The following KIF16B variants were observed in gnomAD, a reference collection of about 807,000 sequenced individuals.
KIF16B encodes kinesin family member 16B, also known as kinesin-like protein KIF16B.
Under a neutral mutation model 156.3 loss-of-function variants are expected in KIF16B, and 98 were observed. That is an observed-to-expected ratio of 0.63 (90% CI 0.53 to 0.74). The LOEUF is 0.74. Among genes scored for constraint, KIF16B ranks in the 30% least tolerant of loss-of-function variants. The pLI, the probability that KIF16B is intolerant of heterozygous loss-of-function variation, is 0.00. For missense variants in KIF16B, 1,421 were observed against 1,606.5 expected (o/e 0.88, Z 1.97); for synonymous variants, 564 against 583.7 (o/e 0.97, Z 0.49).
At chr20:16,391,207 T>G (rs1416014877) in intron 17 of KIF16B, among the ~76,000 whole-genome samples, 1 of 151,990 alleles carries the variant, frequency 6.6e-6, no homozygotes, top group African/African-American at 2.4e-5. Flanking sequence ...AGGGAAGTGA[T>G]GAGAAATAAC....
At chr20:16,288,376 T>A (rs2063257777) in intron 25 of KIF16B, among the ~76,000 whole-genome samples, 1 of 152,096 alleles carries the variant, frequency 6.6e-6, no homozygotes, top group South Asian at 2.1e-4. Flanking sequence ...CCTTAGTAAG[T>A]ACAGATGTAT....
Position 16,422,581 on chromosome 20 carries a change from T to C in KIF16B, c.1612+4523A>G, listed in dbSNP as rs77561053. Among the ~76,000 whole-genome samples, 1,279 of 152,240 alleles carry C rather than the reference T, an allele frequency of 8.4e-3. 12 individuals carry two copies. The highest frequency in any genetic ancestry group is 0.027 in the Middle Eastern group (8 of 294). On this transcript the variant is annotated intron_variant, in intron 15 of 25. Coordinates refer to ENST00000354981, the MANE Select transcript of KIF16B (RefSeq NM_024704.5). ...AGCCAGGTGGATCCAGCAGCCAGTA[T>C]GGATGTTTGGGGGCTATTTGTGATT...
chr20:16,527,158 G>A (rs2069576995), intron 2 of KIF16B, among the ~76,000 whole-genome samples: 1 of 152,184 alleles, frequency 6.6e-6, no homozygotes, highest in Admixed American at 6.5e-5. Context: ...ATGAGAATAT[G>A]CGAGAGGCCA....
chr20:16,428,950 C>T lies in KIF16B; in HGVS notation c.1474+3G>A, dbSNP rs1478313180. ...GGAACAGATCACTGATAAATATGCT[C>T]ACCAATATCTTGCTCCGTGGAAGCA... On this transcript the variant is annotated splice_donor_region_variant and intron_variant, in intron 14 of 25. Coordinates refer to ENST00000354981, the MANE Select transcript of KIF16B (RefSeq NM_024704.5). The T allele has an allele frequency of 2.7e-5, 43 of 1,612,426 alleles. No homozygotes were observed. Among genetic ancestry groups the T allele is most frequent in the Non-Finnish European group, 3.6e-5 (43 of 1,178,762 alleles).
intron 24 of KIF16B, among the ~76,000 whole-genome samples, chr20:16,330,680 T>C (rs1414378189): frequency 6.6e-6 from 1 of 152,166 alleles, no homozygotes; most frequent in East Asian, 1.9e-4. Context: ...CTCATGCTTA[T>C]GGTAAAAATG....
intron 12 of KIF16B, among the ~76,000 whole-genome samples, chr20:16,481,437 T>C (rs1275601768): frequency 6.6e-6 from 1 of 152,122 alleles, no homozygotes; most frequent in Non-Finnish European, 1.5e-5. Context: ...GCAATCCTCC[T>C]ACCTCAGCCT....
chr20:16,503,724 T>C (rs572637559), intron 10 of KIF16B, among the ~76,000 whole-genome samples: 102 of 152,340 alleles, frequency 6.7e-4, no homozygotes, highest in Non-Finnish European at 1.1e-3. Flanking sequence ...AGAACTTTAC[T>C]TCCACCAATC....
intron 15 of KIF16B, among the ~76,000 whole-genome samples, chr20:16,423,321 C>A (rs1468010192): frequency 1.3e-5 from 2 of 151,966 alleles, no homozygotes; most frequent in African/African-American, 4.8e-5. Flanking sequence ...AAAGAAAACA[C>A]AAAGAACAAC....
In KIF16B at chr20:16,505,089, G is replaced by A. The variant is rs11699975; in HGVS notation, c.1001-542C>T. ...GGGTGTACAAACCAGGGTAAATCCC[G>A]TGGCTCCATAGTTAGCACATGGCAT... On this transcript the variant is annotated intron_variant, in intron 9 of 25. Coordinates refer to ENST00000354981, the MANE Select transcript of KIF16B (RefSeq NM_024704.5). 5.1e-3 allele frequency among the ~76,000 whole-genome samples: 770 copies of A among 152,238 alleles called. 4 individuals carry two copies. Among genetic ancestry groups the A allele is most frequent in the Non-Finnish European group, 7.8e-3 (532 of 68,010 alleles).
At chr20:16,562,482 G>C (rs2071098100) in intron 1 of KIF16B, among the ~76,000 whole-genome samples, 1 of 152,160 alleles carries the variant, frequency 6.6e-6, no homozygotes, top group Admixed American at 6.5e-5. Context: ...TCCTCACGGA[G>C]AACAATGTGA....
intron 1 of KIF16B, among the ~76,000 whole-genome samples, chr20:16,541,742 C>A (rs1221086943): frequency 1.3e-5 from 2 of 152,320 alleles, no homozygotes; most frequent in African/African-American, 4.8e-5. Flanking sequence ...AAGAAGGAGA[C>A]TGAGGCAGGC....
At chr20:16,542,586 C>G (rs991910504) in intron 1 of KIF16B, among the ~76,000 whole-genome samples, 1 of 152,088 alleles carries the variant, frequency 6.6e-6, no homozygotes, top group South Asian at 2.1e-4. Flanking sequence ...AACACCTGAA[C>G]GGGGCCAGGC....
At chr20:16,369,375 A>C in intron 22 of KIF16B, 1 of 816,882 alleles carries the variant, frequency 1.2e-6, no homozygotes, top group Non-Finnish European at 1.5e-6. Context: ...ATTAATTCAG[A>C]GGTTAAATAA....
At chr20:16,516,592 G>C (rs976328909) in intron 3 of KIF16B, among the ~76,000 whole-genome samples, 1 of 152,136 alleles carries the variant, frequency 6.6e-6, no homozygotes, top group South Asian at 2.1e-4. Flanking sequence ...CAGATGAAGG[G>C]CTCCTCTGTG....
At chr20:16,388,249 G>A (rs1326129877) in intron 17 of KIF16B, among the ~76,000 whole-genome samples, 1 of 152,132 alleles carries the variant, frequency 6.6e-6, no homozygotes, top group African/African-American at 2.4e-5. Flanking sequence ...ATGAGTTGCT[G>A]CTCACACTGG....
rs528342800 is a variant in KIF16B at position 16,473,016 on chromosome 20, T to A, written c.1302+21275A>T. ...CCACTATCTTCTAAGACAGGTTTTT[T>A]TAGCAGAAAAATTGTTCACCATTTT... On this transcript the variant is annotated intron_variant, in intron 12 of 25. Transcript: ENST00000354981. Among the ~76,000 whole-genome samples the A allele has an allele frequency of 2.6e-4, 40 of 152,298 alleles. 1 individual carries two copies. In the South Asian group the frequency reaches 7.9e-3, roughly 30 times the overall value.
At position 16,510,088 on chromosome 20, in the gene KIF16B, T is replaced by G. The variant is rs1037375197; in HGVS notation, c.556+1330A>C. 3.3e-5 allele frequency among the ~76,000 whole-genome samples: 5 copies of G among 152,312 alleles called. No homozygotes were observed. The East Asian group carries it at 7.7e-4, about 24-fold the overall frequency. ...AATCCCTCTAATAATTTCCCTAAGG[T>G]TTGAATAGCACATTGATTATAAACT... On this transcript the variant is annotated intron_variant, in intron 6 of 25. Transcript: ENST00000354981.
At chr20:16,404,703 A>G (rs2065736545) in intron 17 of KIF16B, 110 bp downstream of exon 17, 1 of 745,376 alleles carries the variant, frequency 1.3e-6, no homozygotes, top group African/African-American at 1.7e-5. Context: ...CTGATTTGAT[A>G]AGGAGGCGCC....
chr20:16,429,835 T>C lies in KIF16B; in HGVS notation c.1422+28A>G, dbSNP rs376995579. 138 of 1,590,188 alleles carry C rather than the reference T, an allele frequency of 8.7e-5. No homozygotes were observed. In the Middle Eastern group the frequency reaches 1.1e-3, roughly 12 times the overall value. ...CTAATGGAGAAACTGGAAACAAAAT[T>C]AGAATGTTCCACTTAATCAGTTTCT... is the stretch of plus-strand genomic sequence containing the variant. On this transcript the variant is annotated intron_variant, in intron 13 of 25. Transcript: ENST00000354981.
Sources: gnomAD v4.1 joint callset for allele counts (sites outside exome capture counted in the v4.1 genomes callset) on GRCh38, gnomAD v4.1.1 for gene constraint, MANE v1.5 for transcripts, NCBI Gene and HGNC (gene_info 2026-07-23, HGNC 2026-07-21) for gene names.